SLC25A45: variants seen among roughly 807,000 people sequenced by gnomAD.
SLC25A45 encodes the protein methylated amino-acid transporter SLC25A45.
A neutral mutation model predicts 23.0 loss-of-function variants in SLC25A45; 22 were observed. The ratio of observed to expected loss-of-function variants is 0.95; its 90% CI spans 0.68 to 1.36. The LOEUF is 1.36. SLC25A45 is among the 40% of genes most tolerant of loss of function. The pLI, the probability that SLC25A45 is intolerant of heterozygous loss-of-function variation, is 0.00. For synonymous variants in SLC25A45, 136 were observed against 155.0 expected (o/e 0.88, Z 0.91); for missense variants, 355 against 383.5 (o/e 0.93, Z 0.62).
Position 65,376,892 on chromosome 11 carries a change from G to A in SLC25A45, c.524C>T (p.Thr175Ile), listed in dbSNP as rs759853833. Residue 175 changes from threonine (T) to isoleucine (I), a missense_variant, in exon 6 of 7, where the codon ACC (threonine) becomes ATC (isoleucine). Coordinates refer to ENST00000398802, the MANE Select transcript of SLC25A45 (RefSeq NM_182556.4). ...GATGAAGTAGATCCCCACCGTGGGG[G>A]TGTCCCTCAGCGTCAGGGCCCAGGC... ...RGAWALTLRD[T>I]PTVGIYFITY... The A allele has an allele frequency of 6.2e-7, 1 of 1,613,498 alleles. No homozygotes were observed. Among genetic ancestry groups the A allele is most frequent in the Non-Finnish European group, 8.5e-7 (1 of 1,179,382 alleles).
In SLC25A45 at chr11:65,379,518, A is replaced by G. The variant is rs759138334; in HGVS notation, c.197T>C (p.Ile66Thr). ...FKGMSFPIAS[I>T]AVVNSVLFGV... ...AAACAGGACAGAGTTGACCACAGCT[A>G]TGCTGGCAATGGGGAAGCTCATTCC... Residue 66 changes from isoleucine (I) to threonine (T), a missense_variant, in exon 5 of 7, where the codon ATA becomes ACA. Transcript: ENST00000398802. The G allele has an allele frequency of 2.6e-5, 42 of 1,613,276 alleles. No homozygotes were observed. In the Admixed American group the frequency reaches 3.5e-4, roughly 13 times the overall value.
chr11:65,383,038 T>C (rs1295153841), upstream of SLC25A45: 1 of 152,346 alleles, frequency 6.6e-6, no homozygotes, highest in Non-Finnish European at 1.5e-5. Context: ...TCTCAATAAA[T>C]CCTGAGTGAC....
rs1855190127 is a variant in SLC25A45, at chr11:65,376,527, G to A, written c.747C>T (p.Ser249=). Residue 249 remains serine, a synonymous_variant, in exon 7 of 7, where the codon AGC becomes AGT. Coordinates refer to ENST00000398802, the MANE Select transcript of SLC25A45 (RefSeq NM_182556.4). ...AGACTCCCAGTCCTTCCTGCCGGATGCTGCTCACCATGCAGTCCAGCATCC... is the reference window on the plus strand; with the variant it reads ...AGACTCCCAGTCCTTCCTGCCGGATACTGCTCACCATGCAGTCCAGCATCC... ...YQGMLDCMVS[S]IRQEGLGVFF... 5.0e-6 allele frequency: 8 copies of A among 1,614,098 alleles called. No individual in the cohort carries two copies. Among genetic ancestry groups the A allele is most frequent in the Admixed American group, 1.7e-5 (1 of 60,012 alleles).
intron 2 of SLC25A45, chr11:65,380,638 G>A: frequency 1.6e-6 from 2 of 1,287,170 alleles, no homozygotes; most frequent in South Asian, 1.2e-5. Context: ...GGGCCCTGAT[G>A]GGGGTCATGC....
chr11:65,376,762 G>T (rs1022648850), intron 6 of SLC25A45, 56 bp downstream of exon 6: 1 of 1,613,862 alleles, frequency 6.2e-7, no homozygotes, highest in Non-Finnish European at 8.5e-7. Context: ...GTCCCCGCTG[G>T]ACCCTGCCTG....
intron 6 of SLC25A45, 22 bp from the exon 7 acceptor site, chr11:65,376,697 GC>G (rs752505966): frequency 6.2e-7 from 1 of 1,613,340 alleles, no homozygotes; most frequent in African/African-American, 1.3e-5. Flanking sequence ...AGAGCCCAGA[GC>G]AGGGGTCAGA....
Position 65,376,264 on chromosome 11 carries a change from C to T in SLC25A45, c.*143G>A. On this transcript the variant is annotated 3_prime_UTR_variant, in exon 7 of 7. Coordinates refer to ENST00000398802, the MANE Select transcript of SLC25A45 (RefSeq NM_182556.4). ...GGCTCCCACAGGTGTCTGCCCAGCC[C>T]AGATCTGCGCGGGTGGGAGGCACCT... The T allele has an allele frequency of 9.3e-7, 1 of 1,069,696 alleles. No homozygotes were observed. Among genetic ancestry groups the T allele is most frequent in the Non-Finnish European group, 1.3e-6 (1 of 745,060 alleles). The allele number at this position is 1,069,696 out of a possible 1,614,324, so 66.3% of individuals were successfully genotyped here. A position where few individuals can be genotyped will look rare whatever the true frequency, so the allele number is the denominator to read the frequency against.
In SLC25A45 at chr11:65,379,478, G is replaced by C; in HGVS notation, c.237C>G (p.Asn79Lys). ...VNSVLFGVYS[N>K]TLLVLTATSH... Reference sequence around the variant, plus strand: ...AGGTGGCCGTGAGCACCAGCAGGGTGTTGCTATAGACCCCAAACAGGACAG... The same window carrying C: ...AGGTGGCCGTGAGCACCAGCAGGGTCTTGCTATAGACCCCAAACAGGACAG... Residue 79 changes from asparagine to lysine, a missense_variant, in exon 5 of 7, where the codon AAC becomes AAG. Transcript: ENST00000398802. The C allele has an allele frequency of 6.2e-7, 1 of 1,614,142 alleles. No homozygotes were observed. Among genetic ancestry groups the C allele is most frequent in the Admixed American group, 1.7e-5 (1 of 60,020 alleles).
At position 65,376,291 on chromosome 11, in the gene SLC25A45, G is replaced by C. The variant is rs1449110592; in HGVS notation, c.*116C>G. The stretch of plus-strand genomic sequence containing the variant: ...GATCTGCGCGGGTGGGAGGCACCTT[G>C]GTTAGGAAGGGCTGAGCCTCTTGCA... On this transcript the variant is annotated 3_prime_UTR_variant, in exon 7 of 7. Transcript: ENST00000398802. 1.5e-6 allele frequency: 2 copies of C among 1,325,436 alleles called. No individual in the cohort carries two copies. Among genetic ancestry groups the C allele is most frequent in the African/African-American group, 1.5e-5 (1 of 68,630 alleles). 82.1% of individuals were successfully genotyped at this position (1,325,436 alleles called of 1,614,324 possible). A position where few individuals can be genotyped will look rare whatever the true frequency, so the allele number is the denominator to read the frequency against.
Position 65,376,551 on chromosome 11 carries a change from C to A in SLC25A45, c.723G>T (p.Gly241=), listed in dbSNP as rs1361704694. Reference sequence around the variant, plus strand: ...TGCTGCTCACCATGCAGTCCAGCATCCCCTGGTACACTCTGCGTCTCAGTC... The same window carrying A: ...TGCTGCTCACCATGCAGTCCAGCATACCCTGGTACACTCTGCGTCTCAGTC... ...MDGLRRRVYQ[G]MLDCMVSSIR... is the part of the protein sequence containing the mutation. The change falls in exon 7 of 7, where the codon GGG becomes GGT. Residue 241 remains glycine, a synonymous_variant. Coordinates refer to ENST00000398802, the MANE Select transcript of SLC25A45 (RefSeq NM_182556.4). The A allele has an allele frequency of 6.2e-7, 1 of 1,614,186 alleles. No individual in the cohort carries two copies. The highest frequency in any genetic ancestry group is 8.5e-7 in the Non-Finnish European group (1 of 1,180,030).
chr11:65,376,306 A>T lies in SLC25A45; in HGVS notation c.*101T>A, dbSNP rs1191244273. 14 of 1,414,784 alleles carry T rather than the reference A, an allele frequency of 9.9e-6. No individual in the cohort carries two copies. The African/African-American group carries it at 1.4e-4, about 14-fold the overall frequency. 87.6% of individuals were successfully genotyped at this position (1,414,784 alleles called of 1,614,324 possible). A position where few individuals can be genotyped will look rare whatever the true frequency, so the allele number is the denominator to read the frequency against. On this transcript the variant is annotated 3_prime_UTR_variant, in exon 7 of 7. Transcript: ENST00000398802. ...GAGGCACCTTGGTTAGGAAGGGCTG[A>T]GCCTCTTGCACTGATTTGCAAGCTT...
intron 4 of SLC25A45, 78 bp downstream of exon 4, chr11:65,379,789 C>T: frequency 6.4e-7 from 1 of 1,561,216 alleles, no homozygotes; most frequent in Non-Finnish European, 8.8e-7. Context: ...CAGAACCCTG[C>T]TGGAGAGGGA....
Position 65,379,393 on chromosome 11 carries a change from T to C in SLC25A45, c.322A>G (p.Thr108Ala). 4 of 1,610,710 alleles carry C rather than the reference T, an allele frequency of 2.5e-6. No homozygotes were observed. The highest frequency in any genetic ancestry group is 3.4e-6 in the Non-Finnish European group (4 of 1,179,898). Residue 108 changes from threonine (T) to alanine (A), a missense_variant, in exon 5 of 7, where the codon ACC (threonine) becomes GCC (alanine). Physicochemically the swap from Thr to Ala is moderately conservative, Grantham distance 58 (BLOSUM62 0). Transcript: ENST00000398802. ...SYMHIFLAGC[T>A]GGFLQAYCLA... ...CCCCTCACCTGCAGGAACCCCCCGG[T>C]GCAGCCCGCTAGGAAGATGTGCATG...
chr11:65,376,855 C>A lies in SLC25A45; in HGVS notation c.561G>T (p.Gly187=), dbSNP rs749049735. The A allele has an allele frequency of 1.9e-6, 3 of 1,614,236 alleles. No homozygotes were observed. The South Asian group carries it at 3.3e-5, about 18-fold the overall frequency. The change falls in exon 6 of 7, where the codon GGG becomes GGT. Residue 187 remains glycine (G), a synonymous_variant. Transcript: ENST00000398802. ...TVGIYFITYE[G]LCRQYTPEGQ... ...CTTCTGGTGTGTACTGGCGACAGAG[C>A]CCTTCATAGGTGATGAAGTAGATCC...
Position 65,380,115 on chromosome 11 carries a change from A to T in SLC25A45, c.81+17T>A, listed in dbSNP as rs1434824476. On this transcript the variant is annotated intron_variant, in intron 3 of 6. Transcript: ENST00000398802. ...AGGTGAGATCTTTCATTCCTCTGGC[A>T]GCTCTCCTAAACTCACCTTTACAGT... is the stretch of plus-strand genomic sequence containing the variant. 1 of 1,612,130 alleles carries T rather than the reference A, an allele frequency of 6.2e-7. No individual in the cohort carries two copies. Among genetic ancestry groups the T allele is most frequent in the Admixed American group, 1.7e-5 (1 of 60,022 alleles).
At chr11:65,381,879 G>T in intron 2 of SLC25A45, 36 bp downstream of exon 2, 1 of 1,613,526 alleles carries the variant, frequency 6.2e-7, no homozygotes, top group Non-Finnish European at 8.5e-7. Flanking sequence ...ACCTACCATT[G>T]GGTGTGATGT....
chr11:65,376,942 C>T lies in SLC25A45; in HGVS notation c.474G>A (p.Glu158=). The part of the protein sequence containing the change: ...VHCAASIFRE[E]GPRGLFRGAW... ...CTCCTCGGAACAGCCCCCGGGGCCC[C>T]TCCTCCCGGAAGATGGAGGCTGCAC... is the stretch of plus-strand genomic sequence containing the variant. The change falls in exon 6 of 7, where the codon GAG becomes GAA. Residue 158 remains glutamate, a synonymous_variant. Coordinates refer to ENST00000398802, the MANE Select transcript of SLC25A45 (RefSeq NM_182556.4). 1 of 1,613,276 alleles carries T rather than the reference C, an allele frequency of 6.2e-7. No individual in the cohort carries two copies. Among genetic ancestry groups the T allele is most frequent in the Non-Finnish European group, 8.5e-7 (1 of 1,179,554 alleles).
Position 65,377,017 on chromosome 11 carries a change from T to C in SLC25A45, c.399A>G (p.Pro133=). ...GTGGGGGGCTCCCTGGCTGGGCCCT[T>C]GGCTCTGTCTGGTTTTGTAGCCGGA... The part of the protein sequence containing the change: ...IKVRLQNQTE[P]RAQPGSPPPR... The change falls in exon 6 of 7, where the codon CCA becomes CCG. Residue 133 remains proline (P), a synonymous_variant. Coordinates refer to ENST00000398802, the MANE Select transcript of SLC25A45 (RefSeq NM_182556.4). The C allele has an allele frequency of 6.2e-7, 1 of 1,613,976 alleles. No individual in the cohort carries two copies. The highest frequency in any genetic ancestry group is 2.2e-5 in the East Asian group (1 of 44,884).
intron 2 of SLC25A45, chr11:65,380,679 C>T: frequency 9.0e-7 from 1 of 1,115,688 alleles, no homozygotes; most frequent in Non-Finnish European, 1.2e-6. Flanking sequence ...TTCTCCCCTC[C>T]CCTCCACCTG....
Sources: allele counts gnomAD v4.1 joint callset, GRCh38; gene constraint gnomAD v4.1.1; transcripts MANE v1.5; gene names NCBI Gene and HGNC (gene_info 2026-07-23, HGNC 2026-07-21).